Variants in GRM7 observed in about 807,000 individuals in gnomAD.
The protein encoded by GRM7 is glutamate metabotropic receptor 7, also known as metabotropic glutamate receptor 7.
In GRM7, 35 loss-of-function variants were observed where a neutral mutation model predicts 84.5. The ratio of observed to expected loss-of-function variants is 0.41; its 90% confidence interval spans 0.32 to 0.55. The LOEUF (loss-of-function observed/expected upper bound fraction) is 0.55. Ranked by LOEUF, GRM7 falls within the 20% of genes least tolerant of loss-of-function variation. The pLI is 0.19. For synonymous variants in GRM7, 487 were observed against 455.1 expected (o/e 1.07, Z -0.89); for missense variants, 1,003 against 1,194.6 (o/e 0.84, Z 2.36).
Position 7,486,560 on chromosome 3 carries a change from C to T in GRM7, c.1515+24838C>T, listed in dbSNP as rs113213892. ...TTTGCCAGAAAAGTGGGGTGCTATACAGCAAGTCTGCCTCACAAGTTTGTT... is the reference window on the plus strand; with the variant it reads ...TTTGCCAGAAAAGTGGGGTGCTATATAGCAAGTCTGCCTCACAAGTTTGTT... On this transcript the variant is annotated intron_variant, in intron 7 of 9. Coordinates refer to ENST00000357716, the MANE Select transcript of GRM7 (RefSeq NM_000844.4). This position sits in a 1 kb window ranked among gnomAD's most constrained non-coding sequence, Gnocchi z 5.5. Among the ~76,000 whole-genome samples, 379 of 152,226 alleles carry T rather than the reference C, an allele frequency of 2.5e-3. 1 individual carries two copies. The highest frequency in any genetic ancestry group is 8.3e-3 in the African/African-American group (346 of 41,528).
chr3:7,298,477 G>T (rs2291867), intron 2 of GRM7: 2 of 510,192 alleles, frequency 3.9e-6, no homozygotes, highest in Non-Finnish European at 6.9e-6. Flanking sequence ...CTATAAAGAG[G>T]ATGTCGTGTA....
At chr3:7,221,719 G>A (rs998407802) in intron 2 of GRM7, among the ~76,000 whole-genome samples, 1 of 144,942 alleles carries the variant, frequency 6.9e-6, no homozygotes, top group Non-Finnish European at 1.5e-5. Flanking sequence ...TCTTTTCTTT[G>A]TATCTTTTGC....
At chr3:6,953,136 C>T (rs1351428474) in intron 1 of GRM7, among the ~76,000 whole-genome samples, 1 of 152,154 alleles carries the variant, frequency 6.6e-6, no homozygotes, top group Non-Finnish European at 1.5e-5. Context: ...GTGCTGCAGA[C>T]TTTTTTTGAT....
At chr3:7,663,920 C>A (rs965927279) in intron 8 of GRM7, among the ~76,000 whole-genome samples, 4 of 152,196 alleles carry the variant, frequency 2.6e-5, no homozygotes, top group African/African-American at 9.7e-5. Context: ...ACACCAGAGA[C>A]ATGTCTGTTA....
chr3:7,595,434 T>C (rs929162445), intron 8 of GRM7, among the ~76,000 whole-genome samples: 1 of 152,232 alleles, frequency 6.6e-6, no homozygotes, highest in African/African-American at 2.4e-5. Context: ...GTCAAATCCT[T>C]GTTGAACATG....
At chr3:7,637,054 A>AT (rs1322303461) in intron 8 of GRM7, among the ~76,000 whole-genome samples, 1 of 152,186 alleles carries the variant, frequency 6.6e-6, no homozygotes, top group Non-Finnish European at 1.5e-5. Context: ...TTTTTGCCCC[A>AT]TTTTTTAAAA....
chr3:7,525,050 A>G (rs1477028642), intron 7 of GRM7, among the ~76,000 whole-genome samples: 5 of 149,320 alleles, frequency 3.3e-5, no homozygotes, highest in Non-Finnish European at 5.9e-5. Context: ...TCACTCATAG[A>G]TGGGAATTGA....
At chr3:7,085,874 G>C (rs1393201595) in intron 1 of GRM7, among the ~76,000 whole-genome samples, 1 of 152,036 alleles carries the variant, frequency 6.6e-6, no homozygotes, top group Non-Finnish European at 1.5e-5. Context: ...CAATAGAAAT[G>C]TCAACATATT....
chr3:7,032,324 G>T (rs1319354341), intron 1 of GRM7, among the ~76,000 whole-genome samples: 1 of 152,170 alleles, frequency 6.6e-6, no homozygotes, highest in East Asian at 1.9e-4. Context: ...TATCCTGTGA[G>T]TTATTTGGTT....
intron 1 of GRM7, among the ~76,000 whole-genome samples, chr3:7,112,313 C>G (rs1156671521): frequency 2.0e-5 from 3 of 151,966 alleles, no homozygotes; most frequent in Non-Finnish European, 4.4e-5. Context: ...CAACCTCTAC[C>G]TCCCAGGTTC....
intron 1 of GRM7, among the ~76,000 whole-genome samples, chr3:6,945,059 T>A (rs918807789): frequency 2.0e-5 from 3 of 152,106 alleles, no homozygotes; most frequent in Non-Finnish European, 4.4e-5. Flanking sequence ...CTAGAATTTT[T>A]TTTTTATTTT....
At chr3:7,072,217 T>A (rs1697908900) in intron 1 of GRM7, among the ~76,000 whole-genome samples, 1 of 152,120 alleles carries the variant, frequency 6.6e-6, no homozygotes, top group East Asian at 1.9e-4. Context: ...CCCCTCACGA[T>A]CCATTAGTTA....
chr3:7,696,241 G>A (rs566328700), intron 9 of GRM7, among the ~76,000 whole-genome samples: 13 of 152,232 alleles, frequency 8.5e-5, no homozygotes, highest in South Asian at 6.2e-4. Flanking sequence ...TAGAGTGTAC[G>A]ACATATATTG....
At position 7,151,501 on chromosome 3, in the gene GRM7, C is replaced by G. The variant is rs1267059764; in HGVS notation, c.736+4833C>G. On this transcript the variant is annotated intron_variant, in intron 2 of 9. Coordinates refer to ENST00000357716, the MANE Select transcript of GRM7 (RefSeq NM_000844.4). The surrounding 1 kb of genome is among the most constrained non-coding windows in gnomAD (Gnocchi z 4.5). Reference sequence around the variant, plus strand: ...GGATTTCAGAGCACTGTGTGCCTCTCTCCTTCACAGATACAATGTTCTATC... The same window carrying G: ...GGATTTCAGAGCACTGTGTGCCTCTGTCCTTCACAGATACAATGTTCTATC... Among the ~76,000 whole-genome samples, 1 of 152,140 alleles carries G rather than the reference C, an allele frequency of 6.6e-6. No homozygotes were observed. Among genetic ancestry groups the G allele is most frequent in the South Asian group, 2.1e-4 (1 of 4,822 alleles).
intron 4 of GRM7, among the ~76,000 whole-genome samples, chr3:7,410,493 A>G: frequency 6.6e-6 from 1 of 151,922 alleles, no homozygotes; most frequent in Non-Finnish European, 1.5e-5. Flanking sequence ...GGATCACTTG[A>G]GCCTGGTGGG....
At chr3:7,070,989 G>T (rs994560988) in intron 1 of GRM7, among the ~76,000 whole-genome samples, 3 of 151,952 alleles carry the variant, frequency 2.0e-5, no homozygotes, top group Non-Finnish European at 4.4e-5. Flanking sequence ...AGCACACTGG[G>T]GTTTTTCATT....
chr3:6,907,904 C>T (rs927034657), intron 1 of GRM7, among the ~76,000 whole-genome samples: 18 of 152,038 alleles, frequency 1.2e-4, no homozygotes, highest in African/African-American at 2.7e-4. Flanking sequence ...CTTTAGAAGT[C>T]AGTTTCTTTT....
At chr3:7,053,767 T>A (rs1697100254) in intron 1 of GRM7, among the ~76,000 whole-genome samples, 1 of 151,562 alleles carries the variant, frequency 6.6e-6, no homozygotes, top group Non-Finnish European at 1.5e-5. Flanking sequence ...GATTACTACA[T>A]CTTTAAGTTT....
At chr3:7,312,142 A>G (rs895657849) in intron 4 of GRM7, among the ~76,000 whole-genome samples, 4 of 152,142 alleles carry the variant, frequency 2.6e-5, no homozygotes, top group African/African-American at 9.7e-5. Context: ...CTTTGGTAGC[A>G]TTTAGGACAC....
Sources: gnomAD v4.1 joint callset for allele counts (sites outside exome capture counted in the v4.1 genomes callset) on GRCh38, gnomAD v4.1.1 for gene constraint, Gnocchi (gnomAD v3.1) non-coding constraint, MANE v1.5 for transcripts, NCBI Gene and HGNC (gene_info 2026-07-23, HGNC 2026-07-21) for gene names.